SYT1: variants seen among roughly 807,000 people sequenced by gnomAD.
SYT1 encodes synaptotagmin 1, also known as synaptotagmin-1.
Under a neutral mutation model 44.8 loss-of-function variants are expected in SYT1, and 8 were observed. The observed-to-expected ratio is 0.18, with a 90% CI of 0.10 to 0.32. The LOEUF is 0.32. Among genes scored for constraint, SYT1 ranks in the 10% least tolerant of loss-of-function variants. SYT1 has a pLI of 1.00. For synonymous variants in SYT1, 154 were observed against 188.8 expected, an observed-to-expected ratio of 0.82 and a Z score of 1.51; for missense variants, 286 against 509.3, an observed-to-expected ratio of 0.56 and a Z score of 4.22.
chr12:79,359,357 A>G (rs568625386), intron 9 of SYT1, among the ~76,000 whole-genome samples: 2 of 151,810 alleles, frequency 1.3e-5, no homozygotes, highest in African/African-American at 4.8e-5. Context: ...CTCCTTCATC[A>G]TTTTTCTGTC....
At chr12:79,325,169 G>T (rs1475532407) in intron 8 of SYT1, among the ~76,000 whole-genome samples, 1 of 152,152 alleles carries the variant, frequency 6.6e-6, no homozygotes, top group Non-Finnish European at 1.5e-5. Context: ...GCAGGGGGAG[G>T]CCAAACCATC....
At chr12:79,310,836 G>C (rs562973733) in intron 8 of SYT1, among the ~76,000 whole-genome samples, 148 of 152,270 alleles carry the variant, frequency 9.7e-4, no homozygotes, top group Middle Eastern at 3.4e-3. Context: ...TGGTGTATAA[G>C]AATGCTTGTG....
intron 10 of SYT1, among the ~76,000 whole-genome samples, chr12:79,445,771 G>A (rs536787584): frequency 1.6e-4 from 24 of 150,488 alleles, no homozygotes; most frequent in African/African-American, 4.6e-4. Context: ...ATGCCAAATT[G>A]TGTCTTCATT....
At chr12:78,932,133 G>T (rs1254561895) in intron 1 of SYT1, among the ~76,000 whole-genome samples, 3 of 152,138 alleles carry the variant, frequency 2.0e-5, no homozygotes, top group Non-Finnish European at 4.4e-5. Context: ...AATTGTGAGA[G>T]AATAAATTTC....
At chr12:79,203,975 T>C (rs1026755778) in intron 3 of SYT1, among the ~76,000 whole-genome samples, 3 of 152,248 alleles carry the variant, frequency 2.0e-5, no homozygotes, top group African/African-American at 7.2e-5. Context: ...ACACAGTTTA[T>C]TCATTCGATC....
At chr12:78,939,277 T>C (rs1878228399) in intron 1 of SYT1, among the ~76,000 whole-genome samples, 1 of 152,232 alleles carries the variant, frequency 6.6e-6, no homozygotes. Context: ...TTCTTGTTTT[T>C]CTAGACTCCT....
intron 5 of SYT1, among the ~76,000 whole-genome samples, chr12:79,288,809 T>A (rs913001744): frequency 6.6e-6 from 1 of 152,178 alleles, no homozygotes; most frequent in Non-Finnish European, 1.5e-5. Flanking sequence ...ATCTGTGTTG[T>A]GTCTCATGAC....
chr12:79,139,760 CT>C (rs1869440847), intron 3 of SYT1, among the ~76,000 whole-genome samples: 1 of 152,098 alleles, frequency 6.6e-6, no homozygotes, highest in Non-Finnish European at 1.5e-5. Flanking sequence ...ACATTTTTGT[CT>C]TTGATTTACC....
At chr12:78,951,144 T>A (rs1042043390) in intron 1 of SYT1, among the ~76,000 whole-genome samples, 4 of 152,122 alleles carry the variant, frequency 2.6e-5, no homozygotes, top group African/African-American at 7.2e-5. Context: ...AAATCTTTTT[T>A]CCTAATTCAG....
Position 78,973,287 on chromosome 12 carries a change from T to A in SYT1, c.-216-4512T>A, listed in dbSNP as rs967463375. ...GAACACTTTACATCCACTCTTAGTA[T>A]TTTTATGACTACCTCATATTATTAA... On this transcript the variant is annotated intron_variant, in intron 1 of 10. Transcript: ENST00000261205. 2.6e-5 allele frequency among the ~76,000 whole-genome samples: 4 copies of A among 152,246 alleles called. 1 individual carries two copies. The highest frequency in any genetic ancestry group is 2.6e-4 in the Admixed American group (4 of 15,296).
At chr12:79,266,915 A>G (rs1455083084) in intron 4 of SYT1, among the ~76,000 whole-genome samples, 1 of 152,180 alleles carries the variant, frequency 6.6e-6, no homozygotes, top group Non-Finnish European at 1.5e-5. Flanking sequence ...GTCACTTTGT[A>G]TAGTAATGAA....
chr12:79,004,600 T>A (rs1870958152), intron 2 of SYT1, among the ~76,000 whole-genome samples: 1 of 151,994 alleles, frequency 6.6e-6, no homozygotes, highest in Non-Finnish European at 1.5e-5. Context: ...TTTTGGATAT[T>A]TTATTAGTAC....
At chr12:78,908,017 T>A in intron 1 of SYT1, among the ~76,000 whole-genome samples, 1 of 152,058 alleles carries the variant, frequency 6.6e-6, no homozygotes, top group East Asian at 1.9e-4. Flanking sequence ...GTGATCACAC[T>A]GAAAGTATGC....
chr12:78,955,634 AG>A (rs1879169977), intron 1 of SYT1: 1 of 152,112 alleles, frequency 6.6e-6, no homozygotes, highest in African/African-American at 2.4e-5. Context: ...GCCCCCCCAA[AG>A]GCCCACCTCT....
intron 1 of SYT1, among the ~76,000 whole-genome samples, chr12:78,866,859 T>C (rs893408072): frequency 1.3e-5 from 2 of 152,186 alleles, no homozygotes; most frequent in Admixed American, 6.5e-5. Flanking sequence ...TAATTTTGTA[T>C]CTCAGAGAGT....
intron 4 of SYT1, among the ~76,000 whole-genome samples, chr12:79,244,714 GA>G (rs201236952): frequency 0.018 from 1,614 of 88,354 alleles, 14 homozygotes; most frequent in African/African-American, 0.045. Flanking sequence ...AAAAAAAGAA[GA>G]AAAAAAAAAA....
intron 3 of SYT1, among the ~76,000 whole-genome samples, chr12:79,135,755 A>G (rs1270498815): frequency 6.6e-6 from 1 of 151,394 alleles, no homozygotes; most frequent in Non-Finnish European, 1.5e-5. Context: ...CTTTACTTTT[A>G]GGGCCACAGG....
intron 8 of SYT1, among the ~76,000 whole-genome samples, chr12:79,310,562 G>C (rs570359468): frequency 2.6e-5 from 4 of 152,272 alleles, no homozygotes; most frequent in South Asian, 4.1e-4. Context: ...AAAGTCATTG[G>C]TAGCTTGATG....
At chr12:79,276,084 A>G (rs1179458649) in intron 4 of SYT1, among the ~76,000 whole-genome samples, 1 of 152,194 alleles carries the variant, frequency 6.6e-6, no homozygotes. Context: ...TTTTTAAATA[A>G]TAAGAAGAAA....
Sources: gnomAD v4.1 joint callset for allele counts (sites outside exome capture counted in the v4.1 genomes callset) on GRCh38, gnomAD v4.1.1 for gene constraint, MANE v1.5 for transcripts, NCBI Gene and HGNC (gene_info 2026-07-23, HGNC 2026-07-21) for gene names.